KIR3DL2: variants seen among roughly 807,000 people sequenced by gnomAD.
KIR3DL2 encodes the protein killer cell immunoglobulin like receptor, three Ig domains and long cytoplasmic tail 2, also known as killer cell immunoglobulin-like receptor 3DL2.
KIR3DL2 carries 42 observed loss-of-function variants against 41.6 expected under a neutral mutation model. The observed-to-expected ratio is 1.01, with a 90% CI of 0.79 to 1.31. KIR3DL2 has a LOEUF of 1.31. KIR3DL2 is among the 50% of genes most tolerant of loss of function. The probability of loss-of-function intolerance (pLI) is 0.00; values close to 1 mark genes in which losing one functional copy is unlikely to be tolerated. For synonymous variants in KIR3DL2, 230 were observed against 221.3 expected, an observed-to-expected ratio of 1.04 and a Z score of -0.35; for missense variants, 728 against 576.8, an observed-to-expected ratio of 1.26 and a Z score of -2.68.
intron 3 of KIR3DL2, among the ~76,000 whole-genome samples, chr19:54,852,998 G>C (rs1299826840): frequency 2.0e-5 from 3 of 151,000 alleles, no homozygotes; most frequent in African/African-American, 7.4e-5. Context: ...GTAATCCAAC[G>C]ACTGGGGAGG....
chr19:54,865,986 C>A, intron 7 of KIR3DL2, 77 bp downstream of exon 7: 10 of 1,341,852 alleles, frequency 7.5e-6, no homozygotes, highest in Non-Finnish European at 1.1e-5. Flanking sequence ...GGTGTGTGTT[C>A]CTCACTGGCA....
At chr19:54,851,149 A>G (rs1448212294) in intron 1 of KIR3DL2, 71 bp from the exon 2 acceptor site, 2 of 1,575,350 alleles carry the variant, frequency 1.3e-6, no homozygotes, top group Non-Finnish European at 1.7e-6. Flanking sequence ...CAAGACACAC[A>G]GTGCAGTGGG....
chr19:54,859,270 G>C, intron 6 of KIR3DL2, 141 bp downstream of exon 6: 2 of 908,758 alleles, frequency 2.2e-6, no homozygotes, highest in Admixed American at 3.8e-5. Flanking sequence ...CACTCCAACA[G>C]TGAAAGGGAT....
At chr19:54,858,487 G>A (rs1210816884) in intron 5 of KIR3DL2, among the ~76,000 whole-genome samples, 3 of 149,964 alleles carry the variant, frequency 2.0e-5, no homozygotes, top group Non-Finnish European at 4.4e-5. Flanking sequence ...CCAGCACTTT[G>A]GGAGGCCGAG....
chr19:54,851,219 G>A lies in KIR3DL2; in HGVS notation c.35-1G>A. On this transcript the variant is annotated splice_acceptor_variant, in intron 1 of 8. Transcript: ENST00000326321. LOFTEE classifies it high-confidence loss of function. ...TCGTCTATCATGATCTTTCTTTCCA[G>A]GGTTCTTCTTGCTGCAGGGGGCCTG... is the stretch of plus-strand genomic sequence containing the variant. 1.2e-6 allele frequency: 2 copies of A among 1,610,796 alleles called. No homozygotes were observed. The highest frequency in any genetic ancestry group is 1.7e-6 in the Non-Finnish European group (2 of 1,178,702).
Position 54,866,421 on chromosome 19 carries a change from A to C in KIR3DL2, c.1157A>C (p.Gln386Pro). ...EPAGDRTVNR[Q>P]DSDEQDPQEV... ...GCGGGGGACAGAACAGTGAATAGGC[A>C]GGTAGGTCCTCCTCGGCCCAGCCTC... The change falls in exon 8 of 9, where the codon CAG (glutamine) becomes CCG (proline). Residue 386 changes from glutamine (Q) to proline (P), a missense_variant and splice_region_variant. Coordinates refer to ENST00000326321, the MANE Select transcript of KIR3DL2 (RefSeq NM_006737.4). 2 of 1,614,028 alleles carry C rather than the reference A, an allele frequency of 1.2e-6. No individual in the cohort carries two copies. Among genetic ancestry groups the C allele is most frequent in the Non-Finnish European group, 1.7e-6 (2 of 1,179,966 alleles).
At position 54,851,994 on chromosome 19, in the gene KIR3DL2, C is replaced by A. The variant is rs1420263733; in HGVS notation, c.71-4C>A. ...CTCTAAGGCAGTGCCTCCTTCTCCC[C>A]CAGGTGGTCAGGACAAACCCTTCCT... On this transcript the variant is annotated splice_polypyrimidine_tract_variant and splice_region_variant and intron_variant, in intron 2 of 8. Transcript: ENST00000326321. 1 of 1,608,576 alleles carries A rather than the reference C, an allele frequency of 6.2e-7. No individual in the cohort carries two copies. Among genetic ancestry groups the A allele is most frequent in the African/African-American group, 1.3e-5 (1 of 74,234 alleles).
intron 5 of KIR3DL2, among the ~76,000 whole-genome samples, chr19:54,858,238 C>T (rs2064934882): frequency 6.7e-6 from 1 of 150,114 alleles, no homozygotes; most frequent in South Asian, 2.1e-4. Context: ...CAAATGTCTT[C>T]CCCATTATTT....
In KIR3DL2 at chr19:54,852,211, G is replaced by A. The variant is rs1296730718; in HGVS notation, c.284G>A (p.Cys95Tyr). 3 of 1,612,084 alleles carry A rather than the reference G, an allele frequency of 1.9e-6. No individual in the cohort carries two copies. Among genetic ancestry groups the A allele is most frequent in the East Asian group, 4.5e-5 (2 of 44,830 alleles). ...CCAGCACATGCAGGGACCTACAGAT[G>A]TCGGGGTTCACGCCCACACTCCCTC... ...VTPAHAGTYR[C>Y]RGSRPHSLTG... The change falls in exon 3 of 9, where the codon TGT becomes TAT. Residue 95 changes from cysteine to tyrosine, a missense_variant. Cys to Tyr is a radical substitution (Grantham distance 194). Coordinates refer to ENST00000326321, the MANE Select transcript of KIR3DL2 (RefSeq NM_006737.4).
intron 5 of KIR3DL2, among the ~76,000 whole-genome samples, chr19:54,857,250 T>G (rs1347312817): frequency 6.6e-6 from 1 of 151,446 alleles, no homozygotes; most frequent in African/African-American, 2.4e-5. Context: ...CCACCATGCC[T>G]GACTAATTCT....
rs762444799 is a variant in KIR3DL2 at position 54,850,480 on chromosome 19, C to G, written c.5C>G (p.Ser2Trp). ...CCTGTCTGCACCGGCAGCACCATGTCGCTCACGGTCGTCAGCATGGCGTGC... is the reference window on the plus strand; with the variant it reads ...CCTGTCTGCACCGGCAGCACCATGTGGCTCACGGTCGTCAGCATGGCGTGC... M[S>W]LTVVSMACVG... Residue 2 changes from serine to tryptophan, a missense_variant, in exon 1 of 9, where the codon TCG becomes TGG. Coordinates refer to ENST00000326321, the MANE Select transcript of KIR3DL2 (RefSeq NM_006737.4). 3 of 1,608,146 alleles carry G rather than the reference C, an allele frequency of 1.9e-6. No individual in the cohort carries two copies. The highest frequency in any genetic ancestry group is 2.5e-6 in the Non-Finnish European group (3 of 1,179,782).
At chr19:54,858,054 A>G (rs374193164) in intron 5 of KIR3DL2, among the ~76,000 whole-genome samples, 2,394 of 149,280 alleles carry the variant, frequency 0.016, 42 homozygotes, top group Middle Eastern at 0.061. Context: ...TATTAATCCC[A>G]TCTCAGATGA....
chr19:54,854,167 C>T, intron 4 of KIR3DL2, 121 bp downstream of exon 4: 2 of 1,237,276 alleles, frequency 1.6e-6, no homozygotes, highest in Non-Finnish European at 2.3e-6. Context: ...GAGAGACTGA[C>T]TCGGTGAGGT....
Position 54,859,088 on chromosome 19 carries a change from C to T in KIR3DL2, c.959C>T (p.Ser320Leu). 1 of 1,613,760 alleles carries T rather than the reference C, an allele frequency of 6.2e-7. No homozygotes were observed. Among genetic ancestry groups the T allele is most frequent in the South Asian group, 1.1e-5 (1 of 91,080 alleles). The change falls in exon 6 of 9, where the codon TCA becomes TTA. Residue 320 changes from serine (S) to leucine (L), a missense_variant. Transcript: ENST00000326321. Reference protein sequence around the residue: ...PLLVSVTGNPSSSWPSPTEPS... With the variant: ...PLLVSVTGNPLSSWPSPTEPS... Reference sequence around the variant, plus strand: ...CTGTCCCGTGTTCTAGGAAACCCTTCAAGTAGTTGGCCTTCACCCACAGAA... The same window carrying T: ...CTGTCCCGTGTTCTAGGAAACCCTTTAAGTAGTTGGCCTTCACCCACAGAA...
Position 54,855,660 on chromosome 19 carries a change from A to G in KIR3DL2, c.697A>G (p.Thr233Ala). 9 of 1,613,472 alleles carry G rather than the reference A, an allele frequency of 5.6e-6. No individual in the cohort carries two copies. Among genetic ancestry groups the G allele is most frequent in the Non-Finnish European group, 6.8e-6 (8 of 1,179,924 alleles). Residue 233 changes from threonine to alanine, a missense_variant, in exon 5 of 9, where the codon ACG becomes GCG. Thr to Ala is a moderately conservative substitution (Grantham distance 58, BLOSUM62 0). Coordinates refer to ENST00000326321, the MANE Select transcript of KIR3DL2 (RefSeq NM_006737.4). ...KPSLSAQPGPTVQAGENVTLS... is the reference protein window; with the variant it reads ...KPSLSAQPGPAVQAGENVTLS... ...TTCTCTCTCAGCCCAGCCGGGCCCC[A>G]CGGTTCAGGCAGGAGAGAACGTGAC... is the stretch of plus-strand genomic sequence containing the variant.
At chr19:54,858,002 A>C (rs2064916761) in intron 5 of KIR3DL2, among the ~76,000 whole-genome samples, 1 of 151,594 alleles carries the variant, frequency 6.6e-6, no homozygotes, top group African/African-American at 2.4e-5. Context: ...TTTTTTAATT[A>C]AATTGTTTTA....
intron 5 of KIR3DL2, among the ~76,000 whole-genome samples, chr19:54,857,510 G>T (rs2064875569): frequency 6.7e-6 from 1 of 150,244 alleles, no homozygotes. Context: ...CATTTGTTTT[G>T]CCTGTCTTGC....
At position 54,859,282 on chromosome 19, in the gene KIR3DL2, T is replaced by C. The variant is rs372420382; in HGVS notation, c.1000+153T>C. Among the ~76,000 whole-genome samples, 18 of 152,180 alleles carry C rather than the reference T, an allele frequency of 1.2e-4. No homozygotes were observed. In the East Asian group the frequency reaches 2.9e-3, roughly 25 times the overall value. On this transcript the variant is annotated intron_variant, in intron 6 of 8. Transcript: ENST00000326321. ...AGACACTCCAACAGTGAAAGGGATC[T>C]AGGGCCACCAAAGGGCTCAGCGAAG... is the stretch of plus-strand genomic sequence containing the variant.
intron 5 of KIR3DL2, among the ~76,000 whole-genome samples, chr19:54,858,102 CT>C (rs2064924380): frequency 6.6e-6 from 1 of 151,504 alleles, no homozygotes; most frequent in African/African-American, 2.4e-5. Flanking sequence ...TGTGGGTTGT[CT>C]CTTCACTTTG....
Sources: allele counts gnomAD v4.1 joint callset (sites outside exome capture counted in the v4.1 genomes callset), GRCh38; gene constraint gnomAD v4.1.1; transcripts MANE v1.5; gene names NCBI Gene and HGNC (gene_info 2026-07-23, HGNC 2026-07-21).